The following GPD2 variants were observed in gnomAD, a reference collection of about 807,000 sequenced individuals.
GPD2 encodes the protein glycerol-3-phosphate dehydrogenase 2.
GPD2 carries 54 observed loss-of-function variants against 82.4 expected under a neutral mutation model. The ratio of observed to expected loss-of-function variants is 0.66; its 90% CI spans 0.53 to 0.82. GPD2 has a LOEUF of 0.82. Among genes scored for constraint, GPD2 ranks in the 40% least tolerant of loss-of-function variants. The pLI, the probability that GPD2 is intolerant of heterozygous loss-of-function variation, is 0.00. For synonymous variants in GPD2, 288 were observed against 306.1 expected (o/e 0.94, Z 0.62); for missense variants, 748 against 896.2 (o/e 0.83, Z 2.11).
At chr2:156,541,316 T>C (rs1368730737) in intron 6 of GPD2, among the ~76,000 whole-genome samples, 1 of 152,194 alleles carries the variant, frequency 6.6e-6, no homozygotes. Flanking sequence ...TTAAGAAAAC[T>C]GCAGAGGAAG....
chr2:156,498,809 C>T (rs556345411), intron 3 of GPD2, among the ~76,000 whole-genome samples: 12 of 152,162 alleles, frequency 7.9e-5, no homozygotes, highest in Admixed American at 4.6e-4. Context: ...GTATGTTTCA[C>T]GGATTTTTTT....
the GPD2 span, among the ~76,000 whole-genome samples, chr2:156,403,474 C>T: frequency 1.5e-4 from 23 of 151,842 alleles, no homozygotes; most frequent in South Asian, 4.8e-3. Flanking sequence ...GAGGGTGATC[C>T]AGCAGGAAAA....
At chr2:156,449,150 A>G (rs1442757520) in intron 1 of GPD2, among the ~76,000 whole-genome samples, 2 of 152,128 alleles carry the variant, frequency 1.3e-5, no homozygotes, top group African/African-American at 4.8e-5. Context: ...ATTTAATCAC[A>G]TTGGTGAATT....
At chr2:156,465,486 T>C (rs1209800983) in intron 1 of GPD2, among the ~76,000 whole-genome samples, 2 of 151,862 alleles carry the variant, frequency 1.3e-5, no homozygotes, top group African/African-American at 4.8e-5. Flanking sequence ...TTCAGTCTCC[T>C]GAGTAACTGG....
chr2:156,521,575 T>C (rs1283111217), intron 6 of GPD2, among the ~76,000 whole-genome samples: 3 of 152,220 alleles, frequency 2.0e-5, no homozygotes, highest in Non-Finnish European at 2.9e-5. Context: ...TGTGAAAATA[T>C]TCCAAAGTGA....
At chr2:156,568,706 C>G in intron 9 of GPD2, 119 bp from the exon 10 acceptor site, 2 of 830,428 alleles carry the variant, frequency 2.4e-6, no homozygotes, top group East Asian at 2.6e-5. Context: ...GGCTTTCTCT[C>G]CTTTTTAAAG....
intron 2 of GPD2, among the ~76,000 whole-genome samples, chr2:156,490,294 CATAATT>C (rs1684126651): frequency 2.0e-5 from 3 of 150,664 alleles, no homozygotes; most frequent in African/African-American, 7.3e-5. Flanking sequence ...TTTTTCCTGT[CATAATT>C]ATAAGTAGGG....
intron 6 of GPD2, among the ~76,000 whole-genome samples, chr2:156,527,105 G>T (rs1192344076): frequency 6.6e-6 from 1 of 152,048 alleles, no homozygotes; most frequent in Non-Finnish European, 1.5e-5. Flanking sequence ...GAGTTATTCT[G>T]CAGATGACAC....
chr2:156,430,219 C>T, the GPD2 span, among the ~76,000 whole-genome samples: 1 of 151,900 alleles, frequency 6.6e-6, no homozygotes, highest in South Asian at 2.1e-4. Context: ...ACTTATATAC[C>T]AGGCATTTTA....
chr2:156,514,264 A>T (rs1685115780), intron 6 of GPD2, among the ~76,000 whole-genome samples: 1 of 152,094 alleles, frequency 6.6e-6, no homozygotes, highest in African/African-American at 2.4e-5. Flanking sequence ...TTTTACTAGT[A>T]GTTTTAAAGA....
At chr2:156,401,131 A>ACTT in the GPD2 span, among the ~76,000 whole-genome samples, 1 of 152,196 alleles carries the variant, frequency 6.6e-6, no homozygotes, top group Non-Finnish European at 1.5e-5. Context: ...ACAGAAAAAA[A>ACTT]CTAGAAGTCA....
intron 2 of GPD2, among the ~76,000 whole-genome samples, chr2:156,480,447 T>A (rs1258365802): frequency 1.3e-5 from 2 of 152,134 alleles, no homozygotes; most frequent in African/African-American, 4.8e-5. Flanking sequence ...CTTTTTTTTT[T>A]AAGTTAACAT....
chr2:156,457,319 C>T (rs1682821873), intron 1 of GPD2, among the ~76,000 whole-genome samples: 2 of 152,260 alleles, frequency 1.3e-5, no homozygotes, highest in South Asian at 4.2e-4. Context: ...AGGCTTCTTA[C>T]AGGGAATATT....
the GPD2 span, among the ~76,000 whole-genome samples, chr2:156,409,142 G>A: frequency 2.6e-5 from 4 of 152,154 alleles, no homozygotes; most frequent in Non-Finnish European, 5.9e-5. Flanking sequence ...AATCATTTCT[G>A]CCAACACCTT....
At chr2:156,488,968 G>A (rs1426500626) in intron 2 of GPD2, among the ~76,000 whole-genome samples, 1 of 152,134 alleles carries the variant, frequency 6.6e-6, no homozygotes. Context: ...TTTGGGAGCT[G>A]TGGTTGGAAT....
At chr2:156,511,653 T>C (rs1438671951) in intron 4 of GPD2, among the ~76,000 whole-genome samples, 1 of 152,238 alleles carries the variant, frequency 6.6e-6, no homozygotes, top group African/African-American at 2.4e-5. Flanking sequence ...TTGTGATGTG[T>C]TCAGGCTTAT....
chr2:156,457,386 G>C (rs1044342728), intron 1 of GPD2, among the ~76,000 whole-genome samples: 38 of 152,198 alleles, frequency 2.5e-4, no homozygotes, highest in African/African-American at 8.4e-4. Context: ...TGGACTCCAT[G>C]TGATTAGAGC....
intron 1 of GPD2, among the ~76,000 whole-genome samples, chr2:156,448,112 A>G (rs1430501366): frequency 7.1e-6 from 1 of 141,522 alleles, no homozygotes; most frequent in Non-Finnish European, 1.6e-5. Flanking sequence ...TGTGTCAGCA[A>G]TTTTCCCTTT....
intron 8 of GPD2, among the ~76,000 whole-genome samples, chr2:156,552,650 C>G (rs1356799757): frequency 2.0e-5 from 3 of 152,114 alleles, no homozygotes; most frequent in African/African-American, 7.2e-5. Context: ...TCCCCACAGA[C>G]CTTATGTTAA....
Sources: allele counts gnomAD v4.1 joint callset (sites outside exome capture counted in the v4.1 genomes callset), GRCh38; gene constraint gnomAD v4.1.1; transcripts MANE v1.5; gene names NCBI Gene and HGNC (gene_info 2026-07-23, HGNC 2026-07-21).